The following TUSC3 variants were observed in gnomAD, a reference collection of about 807,000 sequenced individuals.
TUSC3 encodes dolichyl-diphosphooligosaccharide--protein glycosyltransferase subunit TUSC3.
In TUSC3, 45 loss-of-function variants were observed where a neutral mutation model predicts 44.8. The observed-to-expected ratio is 1.00, with a 90% CI of 0.79 to 1.29. The LOEUF (loss-of-function observed/expected upper bound fraction) is 1.29, where lower values mean the gene tolerates loss of function less well. TUSC3 is among the 50% of genes most tolerant of loss of function. The pLI is 0.00. For missense variants in TUSC3, 519 were observed against 437.9 expected (o/e 1.19, Z -1.65); for synonymous variants, 212 against 152.9 (o/e 1.39, Z -2.85).
At chr8:15,746,705 A>G (rs1294577576) in intron 8 of TUSC3, among the ~76,000 whole-genome samples, 1 of 152,106 alleles carries the variant, frequency 6.6e-6, no homozygotes. Context: ...AAAAAGGAGC[A>G]AAGGGAATGA....
At chr8:15,798,257 C>T in the TUSC3 span, among the ~76,000 whole-genome samples, 6 of 152,316 alleles carry the variant, frequency 3.9e-5, no homozygotes, top group South Asian at 1.0e-3. Context: ...ACCTTCTTTT[C>T]GCACAGTGAA....
intron 1 of TUSC3, among the ~76,000 whole-genome samples, chr8:15,621,393 T>C (rs1310411817): frequency 6.6e-6 from 1 of 150,964 alleles, no homozygotes; most frequent in Non-Finnish European, 1.5e-5. Context: ...GGAGAAGTCC[T>C]TCTATGTCAC....
At chr8:15,839,901 C>T in the TUSC3 span, among the ~76,000 whole-genome samples, 8 of 152,294 alleles carry the variant, frequency 5.3e-5, no homozygotes, top group East Asian at 3.9e-4. Context: ...GGTTATAAAT[C>T]GTGCTGCTAT....
intron 2 of TUSC3, among the ~76,000 whole-genome samples, chr8:15,485,783 GT>G (rs1800725770): frequency 6.8e-6 from 1 of 147,496 alleles, no homozygotes; most frequent in Non-Finnish European, 1.5e-5. Flanking sequence ...ATGAGTTTGA[GT>G]TTTTTGTTTG....
Position 15,720,256 on chromosome 8 carries a change from C to T in TUSC3, c.799-10410C>T, listed in dbSNP as rs1810252888. ...CACAGAGAGAACATTTCTCATATAC[C>T]TTGATTCACACTGATAGTTTACCGA... On this transcript the variant is annotated intron_variant, in intron 6 of 10. Coordinates refer to ENST00000503731, the MANE Select transcript of TUSC3 (RefSeq NM_006765.4). Among the ~76,000 whole-genome samples, 4 of 145,366 alleles carry T rather than the reference C, an allele frequency of 2.8e-5. No individual in the cohort carries two copies. The South Asian group carries it at 9.1e-4, about 33-fold the overall frequency.
chr8:15,655,876 C>T (rs1414604987), intron 3 of TUSC3, among the ~76,000 whole-genome samples: 1 of 152,022 alleles, frequency 6.6e-6, no homozygotes, highest in Non-Finnish European at 1.5e-5. Flanking sequence ...CTTATTTTTG[C>T]ATAAGTTGGT....
At chr8:15,639,267 A>G (rs908008536) in intron 2 of TUSC3, among the ~76,000 whole-genome samples, 1 of 151,844 alleles carries the variant, frequency 6.6e-6, no homozygotes, top group Non-Finnish European at 1.5e-5. Flanking sequence ...TGTCGATGCT[A>G]GATCACATGA....
intron 7 of TUSC3, among the ~76,000 whole-genome samples, chr8:15,732,030 A>G (rs1471854175): frequency 1.3e-5 from 2 of 152,204 alleles, no homozygotes; most frequent in Non-Finnish European, 2.9e-5. Flanking sequence ...AATACTGACC[A>G]CACGGGATTT....
chr8:15,839,579 C>G, the TUSC3 span, among the ~76,000 whole-genome samples: 1 of 152,104 alleles, frequency 6.6e-6, no homozygotes, highest in African/African-American at 2.4e-5. Context: ...TATGAACAGA[C>G]ATTTCTCAAA....
the TUSC3 span, among the ~76,000 whole-genome samples, chr8:15,789,273 C>CAGT: frequency 4.6e-5 from 7 of 152,090 alleles, no homozygotes; most frequent in Non-Finnish European, 1.0e-4. Context: ...TTCAGTGTAC[C>CAGT]GTAATATGGA....
chr8:15,518,739 A>G (rs1179115906), intron 2 of TUSC3, among the ~76,000 whole-genome samples: 3 of 152,192 alleles, frequency 2.0e-5, no homozygotes, highest in Admixed American at 2.0e-4. Context: ...ATGTAGGGGT[A>G]CATTTAGTAT....
intron 1 of TUSC3, among the ~76,000 whole-genome samples, chr8:15,434,227 C>T (rs1472111709): frequency 6.8e-6 from 1 of 148,008 alleles, no homozygotes; most frequent in East Asian, 1.9e-4. Context: ...ATGTATTTGC[C>T]ATTTGTACAC....
intron 1 of TUSC3, among the ~76,000 whole-genome samples, chr8:15,426,323 G>A (rs1799803349): frequency 6.6e-6 from 1 of 152,122 alleles, no homozygotes; most frequent in South Asian, 2.1e-4. Context: ...TTAACTATAG[G>A]CACTACGTTA....
chr8:15,449,346 G>C (rs1422704210), intron 1 of TUSC3, among the ~76,000 whole-genome samples: 1 of 152,168 alleles, frequency 6.6e-6, no homozygotes, highest in African/African-American at 2.4e-5. Flanking sequence ...CATGGCTCAA[G>C]CGTGGAGTTT....
intron 1 of TUSC3, among the ~76,000 whole-genome samples, chr8:15,583,190 A>G (rs1803446966): frequency 6.6e-6 from 1 of 152,226 alleles, no homozygotes; most frequent in African/African-American, 2.4e-5. Flanking sequence ...GTCAAAATGA[A>G]ATTAAATAGT....
At chr8:15,521,646 A>G (rs923022646) in intron 2 of TUSC3, among the ~76,000 whole-genome samples, 2 of 152,162 alleles carry the variant, frequency 1.3e-5, no homozygotes, top group African/African-American at 4.8e-5. Context: ...CATAAACTTT[A>G]AGAAAGTTTA....
At chr8:15,674,438 T>G (rs2129183679) in intron 6 of TUSC3, among the ~76,000 whole-genome samples, 1 of 152,086 alleles carries the variant, frequency 6.6e-6, no homozygotes, top group South Asian at 2.1e-4. Flanking sequence ...TTTGAGACAG[T>G]ATTAGGATAG....
chr8:15,724,746 CT>C (rs1810435636), intron 6 of TUSC3, among the ~76,000 whole-genome samples: 1 of 152,054 alleles, frequency 6.6e-6, no homozygotes, highest in Non-Finnish European at 1.5e-5. Context: ...TACACTAGTA[CT>C]TTTTCATGAT....
intron 2 of TUSC3, among the ~76,000 whole-genome samples, chr8:15,522,841 A>C (rs1411875520): frequency 6.6e-6 from 1 of 152,160 alleles, no homozygotes; most frequent in East Asian, 1.9e-4. Context: ...TGATGGTATA[A>C]ATTCTCAAGC....
Sources: allele counts gnomAD v4.1 joint callset (sites outside exome capture counted in the v4.1 genomes callset), GRCh38; gene constraint gnomAD v4.1.1; transcripts MANE v1.5; gene names NCBI Gene and HGNC (gene_info 2026-07-23, HGNC 2026-07-21).